DISP1: variants seen among roughly 807,000 people sequenced by gnomAD.
DISP1 encodes the protein protein dispatched homolog 1.
Under a neutral mutation model 37.3 loss-of-function variants are expected in DISP1, and 30 were observed. The ratio of observed to expected loss-of-function variants is 0.80; its 90% CI spans 0.60 to 1.09. DISP1 has a LOEUF of 1.09. Among genes scored for constraint, DISP1 ranks in the 50% least tolerant of loss-of-function variants. The pLI, the probability that DISP1 is intolerant of heterozygous loss-of-function variation, is 0.00. For missense variants in DISP1, 1,598 were observed against 1,879.5 expected (o/e 0.85, Z 2.77); for synonymous variants, 634 against 690.2 (o/e 0.92, Z 1.28).
intron 4 of DISP1, among the ~76,000 whole-genome samples, chr1:222,983,838 C>T (rs999969694): frequency 1.3e-5 from 2 of 151,992 alleles, no homozygotes; most frequent in East Asian, 3.9e-4. Flanking sequence ...GCTTATCTTT[C>T]AATAGAGAAA....
At chr1:222,910,442 T>G (rs1452734529) in intron 1 of DISP1, among the ~76,000 whole-genome samples, 1 of 152,210 alleles carries the variant, frequency 6.6e-6, no homozygotes, top group Non-Finnish European at 1.5e-5. Context: ...TAAGAGTATT[T>G]ACCATTCACA....
intron 1 of DISP1, among the ~76,000 whole-genome samples, chr1:222,890,445 G>A (rs1376700986): frequency 6.6e-6 from 1 of 152,102 alleles, no homozygotes; most frequent in Non-Finnish European, 1.5e-5. Flanking sequence ...TAGTAGAGGA[G>A]ATAATTTTAG....
intron 1 of DISP1, among the ~76,000 whole-genome samples, chr1:222,883,251 T>C (rs1670378411): frequency 6.6e-6 from 1 of 152,210 alleles, no homozygotes; most frequent in Non-Finnish European, 1.5e-5. Flanking sequence ...GCAGTAACAG[T>C]ACCGCCACCA....
intron 3 of DISP1, among the ~76,000 whole-genome samples, chr1:222,981,097 C>G (rs1360161985): frequency 6.6e-6 from 1 of 152,234 alleles, no homozygotes; most frequent in Admixed American, 6.5e-5. Context: ...AATGACTTCT[C>G]TTATGCTGTT....
At chr1:222,846,680 A>G (rs1324032673) in intron 1 of DISP1, among the ~76,000 whole-genome samples, 1 of 152,252 alleles carries the variant, frequency 6.6e-6, no homozygotes, top group African/African-American at 2.4e-5. Context: ...TGCAGGAAGT[A>G]GAATGGCCTG....
chr1:222,829,906 T>C (rs1192777297), intron 1 of DISP1, among the ~76,000 whole-genome samples: 1 of 152,210 alleles, frequency 6.6e-6, no homozygotes. Context: ...TTAACCCACA[T>C]TTTTTAATGG....
chr1:222,986,160 G>C (rs1421059455), intron 4 of DISP1, among the ~76,000 whole-genome samples: 1 of 152,138 alleles, frequency 6.6e-6, no homozygotes, highest in Non-Finnish European at 1.5e-5. Flanking sequence ...CAAAAGCCAG[G>C]CTATAAGGGG....
intron 1 of DISP1, among the ~76,000 whole-genome samples, chr1:222,892,028 C>T (rs1279410854): frequency 6.6e-6 from 1 of 151,682 alleles, no homozygotes; most frequent in African/African-American, 2.4e-5. Context: ...GGGAGTGATA[C>T]CTTACATAAA....
intron 1 of DISP1, among the ~76,000 whole-genome samples, chr1:222,908,587 G>T (rs1287040028): frequency 1.3e-5 from 2 of 152,112 alleles, no homozygotes; most frequent in Admixed American, 1.3e-4. Flanking sequence ...GTAGAGATGG[G>T]ATTTCGCCAT....
intron 5 of DISP1, 67 bp downstream of exon 5, chr1:222,990,815 T>C (rs1678649763): frequency 1.9e-6 from 3 of 1,593,612 alleles, no homozygotes; most frequent in Non-Finnish European, 2.6e-6. Context: ...TAATACATGT[T>C]GCATTATGTT....
At chr1:222,881,493 G>T (rs573393554) in intron 1 of DISP1, among the ~76,000 whole-genome samples, 8 of 152,314 alleles carry the variant, frequency 5.3e-5, no homozygotes, top group South Asian at 4.1e-4. Flanking sequence ...ACCGCCGCTG[G>T]CCTAGAGTTG....
At chr1:222,936,803 T>TC (rs1402600925) in intron 2 of DISP1, among the ~76,000 whole-genome samples, 63 of 45,512 alleles carry the variant, frequency 1.4e-3, no homozygotes, top group South Asian at 5.5e-3. Context: ...TAATATATTA[T>TC]ATATATAAAT....
At chr1:222,872,525 G>A (rs1558304656) in intron 1 of DISP1, 2 of 150,682 alleles carry the variant, frequency 1.3e-5, no homozygotes, top group Non-Finnish European at 3.0e-5. Flanking sequence ...GAGAGTGTAT[G>A]TATCCATTTC....
intron 3 of DISP1, among the ~76,000 whole-genome samples, chr1:222,968,076 G>A (rs1446178626): frequency 1.3e-5 from 2 of 152,064 alleles, no homozygotes; most frequent in East Asian, 1.9e-4. Flanking sequence ...GTGATTCTGC[G>A]AAAAGAACTG....
intron 1 of DISP1, among the ~76,000 whole-genome samples, chr1:222,879,897 C>T (rs1488814833): frequency 1.3e-5 from 2 of 151,930 alleles, no homozygotes; most frequent in African/African-American, 4.8e-5. Context: ...AATGAGCATT[C>T]ATACATTGCC....
chr1:222,982,262 A>G (rs912006113), intron 3 of DISP1, among the ~76,000 whole-genome samples: 2 of 152,228 alleles, frequency 1.3e-5, no homozygotes, highest in African/African-American at 4.8e-5. Context: ...CTGGCTTTAC[A>G]CACATCTGTA....
intron 1 of DISP1, among the ~76,000 whole-genome samples, chr1:222,834,404 C>A (rs1348006225): frequency 1.3e-5 from 2 of 151,894 alleles, no homozygotes; most frequent in Non-Finnish European, 2.9e-5. Context: ...TAGATGGGAA[C>A]CTGAAAAGAA....
intron 4 of DISP1, among the ~76,000 whole-genome samples, chr1:222,988,168 T>C (rs1678409917): frequency 6.6e-6 from 1 of 152,252 alleles, no homozygotes; most frequent in African/African-American, 2.4e-5. Context: ...AATGAGTTTT[T>C]AAATCTAAAA....
chr1:222,956,040 C>G (rs1378255531), intron 3 of DISP1, among the ~76,000 whole-genome samples: 2 of 152,126 alleles, frequency 1.3e-5, no homozygotes, highest in Non-Finnish European at 2.9e-5. Context: ...TTACTGTTTC[C>G]AAGCACTATT....
Sources: gnomAD v4.1 joint callset for allele counts (sites outside exome capture counted in the v4.1 genomes callset) on GRCh38, gnomAD v4.1.1 for gene constraint, MANE v1.5 for transcripts, NCBI Gene and HGNC (gene_info 2026-07-23, HGNC 2026-07-21) for gene names.